The following GRB14 variants were observed in gnomAD, a reference collection of about 807,000 sequenced individuals.
GRB14 encodes the protein growth factor receptor-bound protein 14.
A neutral mutation model predicts 69.1 loss-of-function variants in GRB14; 38 were observed. The observed-to-expected ratio is 0.55, with a 90% CI of 0.42 to 0.72. GRB14 has a LOEUF of 0.72. Among genes scored for constraint, GRB14 ranks in the 30% least tolerant of loss-of-function variants. The pLI, the probability that GRB14 is intolerant of heterozygous loss-of-function variation, is 0.00. For missense variants in GRB14, 666 were observed against 666.1 expected, an observed-to-expected ratio of 1.00 and a Z score of 0.00; for synonymous variants, 247 against 241.3, an observed-to-expected ratio of 1.02 and a Z score of -0.22.
At chr2:164,524,652 T>C (rs186031162) in intron 5 of GRB14, among the ~76,000 whole-genome samples, 2 of 152,218 alleles carry the variant, frequency 1.3e-5, no homozygotes, top group East Asian at 1.9e-4. Context: ...TGAGTATCTA[T>C]TGGTAAGATA....
At chr2:164,586,100 G>A (rs777867761) in intron 2 of GRB14, among the ~76,000 whole-genome samples, 4 of 152,122 alleles carry the variant, frequency 2.6e-5, no homozygotes, top group Non-Finnish European at 5.9e-5. Flanking sequence ...GATTGGCAAA[G>A]GTTTTTTAAA....
At chr2:164,582,736 G>A (rs2105339344) in intron 2 of GRB14, among the ~76,000 whole-genome samples, 1 of 152,174 alleles carries the variant, frequency 6.6e-6, no homozygotes, top group East Asian at 1.9e-4. Flanking sequence ...AGCTCTTACA[G>A]TTCACTCCCT....
chr2:164,530,504 A>C (rs1687899009), intron 3 of GRB14, among the ~76,000 whole-genome samples: 1 of 152,142 alleles, frequency 6.6e-6, no homozygotes, highest in African/African-American at 2.4e-5. Flanking sequence ...AGAGAGAGAA[A>C]GTGCTGAGGA....
intron 2 of GRB14, among the ~76,000 whole-genome samples, chr2:164,605,707 G>A (rs1690025846): frequency 6.6e-6 from 1 of 152,210 alleles, no homozygotes; most frequent in African/African-American, 2.4e-5. Context: ...GGTCTTCAGA[G>A]ACTTTAGTTG....
chr2:164,493,234 A>G, intron 13 of GRB14, 52 bp from the exon 14 acceptor site: 1 of 1,545,298 alleles, frequency 6.5e-7, no homozygotes, highest in South Asian at 1.2e-5. Flanking sequence ...ACACAGAAGG[A>G]CAATCATATT....
At chr2:164,583,888 T>A (rs1210604305) in intron 2 of GRB14, among the ~76,000 whole-genome samples, 3 of 152,152 alleles carry the variant, frequency 2.0e-5, no homozygotes, top group African/African-American at 7.2e-5. Context: ...TTCCTGGTGC[T>A]GAAAATACTT....
At chr2:164,545,602 A>G (rs1487572963) in intron 3 of GRB14, among the ~76,000 whole-genome samples, 1 of 152,206 alleles carries the variant, frequency 6.6e-6, no homozygotes, top group Non-Finnish European at 1.5e-5. Context: ...TATGGATTTC[A>G]GTCTTCTGGC....
chr2:164,608,832 C>T (rs1690101180), intron 2 of GRB14, among the ~76,000 whole-genome samples: 1 of 151,888 alleles, frequency 6.6e-6, no homozygotes, highest in Non-Finnish European at 1.5e-5. Flanking sequence ...GGTACATGCA[C>T]ATTAAAAAAT....
intron 2 of GRB14, among the ~76,000 whole-genome samples, chr2:164,584,252 G>A (rs1291609683): frequency 7.2e-6 from 1 of 138,418 alleles, no homozygotes; most frequent in Non-Finnish European, 1.5e-5. Context: ...TAATCCACCT[G>A]CCTCAGCCTC....
At chr2:164,614,241 T>C (rs988843242) in intron 2 of GRB14, among the ~76,000 whole-genome samples, 1 of 152,206 alleles carries the variant, frequency 6.6e-6, no homozygotes, top group African/African-American at 2.4e-5. Flanking sequence ...GAAACCCTAA[T>C]AGGAGAGAGT....
At chr2:164,593,107 T>C (rs1450903663) in intron 2 of GRB14, among the ~76,000 whole-genome samples, 1 of 152,194 alleles carries the variant, frequency 6.6e-6, no homozygotes, top group Non-Finnish European at 1.5e-5. Flanking sequence ...AAATAGAATA[T>C]GCTTATAATA....
chr2:164,586,569 T>G (rs1402398800), intron 2 of GRB14, among the ~76,000 whole-genome samples: 1 of 152,174 alleles, frequency 6.6e-6, no homozygotes, highest in Non-Finnish European at 1.5e-5. Flanking sequence ...TTTGACTCGT[T>G]TCTATGTGCT....
intron 3 of GRB14, among the ~76,000 whole-genome samples, chr2:164,542,130 T>C (rs1257666409): frequency 6.6e-6 from 1 of 152,188 alleles, no homozygotes; most frequent in Non-Finnish European, 1.5e-5. Flanking sequence ...GCCATACTCC[T>C]ACAGCCATCT....
chr2:164,554,143 A>C (rs1405135885), intron 2 of GRB14, among the ~76,000 whole-genome samples: 2 of 152,140 alleles, frequency 1.3e-5, no homozygotes, highest in African/African-American at 2.4e-5. Context: ...TGATCATGTA[A>C]AAAACAAATA....
At chr2:164,574,672 G>A (rs556169706) in intron 2 of GRB14, among the ~76,000 whole-genome samples, 61 of 152,294 alleles carry the variant, frequency 4.0e-4, no homozygotes, top group Non-Finnish European at 7.2e-4. Context: ...AGGCATGGTG[G>A]CTTATGCCTG....
Position 164,508,496 on chromosome 2 carries a change from G to A in GRB14, c.982C>T (p.Gln328Ter), listed in dbSNP as rs1330473611. 6.2e-7 allele frequency: 1 copy of A among 1,614,050 alleles called. No individual in the cohort carries two copies. Among genetic ancestry groups the A allele is most frequent in the Non-Finnish European group, 8.5e-7 (1 of 1,179,994 alleles). Reference sequence around the variant, plus strand: ...GCGGTCACCCAGCACGTCCTACTCTGCTCTTCTTCTGCACAGAGCATTTTC... The same window carrying A: ...GCGGTCACCCAGCACGTCCTACTCTACTCTTCTTCTGCACAGAGCATTTTC... ...DLKMLCAEEEQSRTCWVTAIR... is the reference protein window; with the variant it reads ...DLKMLCAEEE Residue 328 changes from glutamine (Q) to a stop codon, truncating the protein, a stop_gained, in exon 8 of 14, where the codon CAG becomes TAG. Coordinates refer to ENST00000263915, the MANE Select transcript of GRB14 (RefSeq NM_004490.3). LOFTEE classifies it high-confidence loss of function.
At chr2:164,496,345 CACTG>C (rs1334646432) in intron 12 of GRB14, among the ~76,000 whole-genome samples, 2 of 152,166 alleles carry the variant, frequency 1.3e-5, no homozygotes, top group African/African-American at 4.8e-5. Context: ...GTATCTGAAA[CACTG>C]AGTAATTTGA....
At chr2:164,581,626 G>T (rs1037043370) in intron 2 of GRB14, among the ~76,000 whole-genome samples, 1 of 152,158 alleles carries the variant, frequency 6.6e-6, no homozygotes, top group Non-Finnish European at 1.5e-5. Context: ...TCAGCCCAGT[G>T]AACTGACTTC....
intron 2 of GRB14, among the ~76,000 whole-genome samples, chr2:164,576,977 A>C (rs1689266555): frequency 6.6e-6 from 1 of 152,072 alleles, no homozygotes. Flanking sequence ...AGAAATGATA[A>C]GAATCATAAG....
Sources: gnomAD v4.1 joint callset for allele counts (sites outside exome capture counted in the v4.1 genomes callset) on GRCh38, gnomAD v4.1.1 for gene constraint, MANE v1.5 for transcripts, NCBI Gene and HGNC (gene_info 2026-07-23, HGNC 2026-07-21) for gene names.